The following GIT2 variants were observed in gnomAD, a reference collection of about 807,000 sequenced individuals.
The protein encoded by GIT2 is ARF GTPase-activating protein GIT2.
Under a neutral mutation model 100.3 loss-of-function variants are expected in GIT2, and 32 were observed. That is an observed-to-expected ratio of 0.32 (90% CI 0.24 to 0.43). The LOEUF (loss-of-function observed/expected upper bound fraction) is 0.43, where lower values mean the gene tolerates loss of function less well. GIT2 is among the 20% of genes least tolerant of loss of function. The pLI is 1.00. For missense variants in GIT2, 737 were observed against 975.1 expected (o/e 0.76, Z 3.25); for synonymous variants, 353 against 364.1 (o/e 0.97, Z 0.35).
chr12:109,979,665 C>T (rs1885918507), intron 7 of GIT2, among the ~76,000 whole-genome samples: 1 of 152,152 alleles, frequency 6.6e-6, no homozygotes, highest in Non-Finnish European at 1.5e-5. Flanking sequence ...CACTCACCAC[C>T]AGCTGATGAC....
In GIT2 at chr12:109,965,562, A is replaced by C; in HGVS notation, c.780T>G (p.Ser260=). 1 of 1,594,592 alleles carries C rather than the reference A, an allele frequency of 6.3e-7. No homozygotes were observed. The highest frequency in any genetic ancestry group is 8.6e-7 in the Non-Finnish European group (1 of 1,164,760). The part of the protein sequence containing the change: ...PQMADSSLDL[S]ELAKAAKKKL... ...TCTTCTTAGCAGCTTTTGCCAATTC[A>C]GACAAATCCAGGCTGCTAAGAAAAC... Residue 260 remains serine, a synonymous_variant, in exon 9 of 20, where the codon TCT becomes TCG. Transcript: ENST00000355312.
intron 12 of GIT2, chr12:109,954,132 C>A (rs1264114450): frequency 6.6e-6 from 1 of 151,944 alleles, no homozygotes; most frequent in East Asian, 1.9e-4. Context: ...CATGGTGAAA[C>A]CCCGCCTCTA....
chr12:109,935,101 A>G (rs930227541), intron 18 of GIT2, among the ~76,000 whole-genome samples: 2 of 152,240 alleles, frequency 1.3e-5, no homozygotes, highest in East Asian at 3.9e-4. Context: ...GACTGCCTAC[A>G]TTTTAAATTA....
intron 1 of GIT2, among the ~76,000 whole-genome samples, chr12:109,994,559 CAGGA>C (rs1284230590): frequency 3.9e-5 from 6 of 152,152 alleles, no homozygotes; most frequent in Non-Finnish European, 5.9e-5. Flanking sequence ...ATATTCAAAA[CAGGA>C]AGGAAGTGAC....
chr12:109,968,847 G>A (rs1451714874), intron 7 of GIT2, among the ~76,000 whole-genome samples: 3 of 151,994 alleles, frequency 2.0e-5, no homozygotes, highest in African/African-American at 7.3e-5. Context: ...TCAGCCACCT[G>A]AGTAGCCAGG....
chr12:109,986,561 G>A (rs755412153), intron 4 of GIT2, among the ~76,000 whole-genome samples: 10 of 152,176 alleles, frequency 6.6e-5, no homozygotes, highest in Admixed American at 3.3e-4. Context: ...TCAGGAAATC[G>A]GGACCATCCT....
intron 12 of GIT2, chr12:109,953,944 T>A: frequency 6.6e-6 from 1 of 152,246 alleles, no homozygotes; most frequent in Non-Finnish European, 1.5e-5. Flanking sequence ...CTATAACATA[T>A]TTACAAGGTA....
chr12:109,956,051 C>T (rs1879354460), intron 12 of GIT2, among the ~76,000 whole-genome samples: 1 of 152,076 alleles, frequency 6.6e-6, no homozygotes, highest in African/African-American at 2.4e-5. Context: ...GCCTCAGCCT[C>T]CTGAGTAACT....
intron 13 of GIT2, chr12:109,952,440 GTCCTCCCC>G: frequency 1.9e-6 from 1 of 514,272 alleles, no homozygotes; most frequent in South Asian, 1.4e-5. Context: ...CACCAGAAGA[GTCCTCCCC>G]AGACATGGCA....
intron 15 of GIT2, among the ~76,000 whole-genome samples, chr12:109,946,907 C>T (rs530334221): frequency 5.3e-5 from 8 of 152,218 alleles, no homozygotes; most frequent in African/African-American, 1.9e-4. Flanking sequence ...TGAGAGTGAA[C>T]TTTATGATTT....
At chr12:109,942,306 T>G (rs1295630658) in intron 16 of GIT2, among the ~76,000 whole-genome samples, 1 of 152,072 alleles carries the variant, frequency 6.6e-6, no homozygotes, top group Admixed American at 6.5e-5. Flanking sequence ...CCCAGAAAAT[T>G]CTACATTTTT....
Position 109,934,581 on chromosome 12 carries a change from A to AT in GIT2, c.2004-497dup, listed in dbSNP as rs1872461805. Among the ~76,000 whole-genome samples, 1 of 152,058 alleles carries AT rather than the reference A, an allele frequency of 6.6e-6. No individual in the cohort carries two copies. On this transcript the variant is annotated intron_variant, in intron 18 of 19. Transcript: ENST00000355312. This position sits in a 1 kb window ranked among gnomAD's most constrained non-coding sequence, Gnocchi z 4.5. ...TATTTTTTTGTAGAGGAGTCCCACTATGTCGCCCAGCCTTGTGTTGAACTC... is the reference window on the plus strand; with the variant it reads ...TATTTTTTTGTAGAGGAGTCCCACTATTGTCGCCCAGCCTTGTGTTGAACTC...
intron 14 of GIT2, among the ~76,000 whole-genome samples, chr12:109,950,537 A>G (rs1877542530): frequency 1.3e-5 from 2 of 152,338 alleles, no homozygotes; most frequent in Non-Finnish European, 2.9e-5. Context: ...TTAGGGATTA[A>G]TATATTCACA....
intron 7 of GIT2, among the ~76,000 whole-genome samples, chr12:109,976,144 TCA>T (rs1313006242): frequency 2.1e-5 from 3 of 145,822 alleles, no homozygotes; most frequent in Non-Finnish European, 3.0e-5. Flanking sequence ...ACACAACTTT[TCA>T]CAGTCTACTT....
intron 9 of GIT2, among the ~76,000 whole-genome samples, chr12:109,964,223 T>C (rs1881731717): frequency 6.6e-6 from 1 of 152,150 alleles, no homozygotes; most frequent in South Asian, 2.1e-4. Flanking sequence ...ATCATCTTAG[T>C]TTACAACTTC....
In GIT2 at chr12:109,996,281, T is replaced by C. The variant is rs1889409961; in HGVS notation, c.-57A>G. The C allele has an allele frequency of 2.4e-6, 3 of 1,275,946 alleles. No individual in the cohort carries two copies. Among genetic ancestry groups the C allele is most frequent in the Admixed American group, 2.2e-5 (1 of 44,832 alleles). 79.0% of individuals were successfully genotyped at this position (1,275,946 alleles called of 1,614,324 possible). On this transcript the variant is annotated 5_prime_UTR_variant, in exon 1 of 20. Coordinates refer to ENST00000355312, the MANE Select transcript of GIT2 (RefSeq NM_057169.5). ...GGCCGGGGGACAGCAAAGGCGGCGG[T>C]GGCGGCGGCGCTTCCGCTCTAACGG... is the stretch of plus-strand genomic sequence containing the variant.
intron 7 of GIT2, among the ~76,000 whole-genome samples, chr12:109,972,508 G>A (rs972239281): frequency 6.7e-5 from 10 of 149,088 alleles, no homozygotes; most frequent in South Asian, 6.4e-4. Flanking sequence ...TCGCTCTGTC[G>A]CCCAGGCAGG....
intron 7 of GIT2, among the ~76,000 whole-genome samples, chr12:109,979,712 T>C (rs1885927888): frequency 6.6e-6 from 1 of 152,196 alleles, no homozygotes; most frequent in Admixed American, 6.5e-5. Context: ...CAGGATTTAC[T>C]TTTCAGAGTC....
intron 1 of GIT2, among the ~76,000 whole-genome samples, chr12:109,992,596 G>A (rs1163710147): frequency 6.6e-6 from 1 of 152,226 alleles, no homozygotes; most frequent in Non-Finnish European, 1.5e-5. Context: ...TCACTCAGCT[G>A]CTATGGTTCT....
Sources: allele counts gnomAD v4.1 joint callset (sites outside exome capture counted in the v4.1 genomes callset), GRCh38; gene constraint gnomAD v4.1.1; non-coding constraint Gnocchi (gnomAD v3.1); transcripts MANE v1.5; gene names NCBI Gene and HGNC (gene_info 2026-07-23, HGNC 2026-07-21).